The following SAMD13 variants were observed in gnomAD, a reference collection of about 807,000 sequenced individuals.
SAMD13 encodes the protein sterile alpha motif domain-containing protein 13.
Under a neutral mutation model 12.4 loss-of-function variants are expected in SAMD13, and 9 were observed. That is an observed-to-expected ratio of 0.72 (90% confidence interval 0.44 to 1.26). The LOEUF is 1.26. Ranked by LOEUF, SAMD13 falls within the 50% of genes most tolerant of loss-of-function variation. The pLI is 0.00. For missense variants in SAMD13, 84 were observed against 119.6 expected, an observed-to-expected ratio of 0.70 and a Z score of 1.39; for synonymous variants, 46 against 45.4, an observed-to-expected ratio of 1.01 and a Z score of -0.05.
intron 3 of SAMD13, among the ~76,000 whole-genome samples, chr1:84,326,124 A>G (rs941115332): frequency 5.9e-5 from 9 of 152,122 alleles, no homozygotes; most frequent in African/African-American, 1.7e-4. Context: ...AGAGACATAC[A>G]CCACCTCCTA....
At chr1:84,303,340 G>A in intron 2 of SAMD13, 53 bp downstream of exon 2, 1 of 1,455,506 alleles carries the variant, frequency 6.9e-7, no homozygotes, top group South Asian at 1.2e-5. Flanking sequence ...GAGGGACTTA[G>A]TTTCTATTTT....
At position 84,310,550 on chromosome 1, in the gene SAMD13, C is replaced by T. The variant is rs77893208; in HGVS notation, c.53+7263C>T. ...CTGCATTTGTATTTCCTAAAATCTA[C>T]AGTTCAAAAGGTAGGATCACATACC... On this transcript the variant is annotated intron_variant, in intron 2 of 3. Transcript: ENST00000394834. Among the ~76,000 whole-genome samples, 209 of 152,264 alleles carry T rather than the reference C, an allele frequency of 1.4e-3. 4 individuals are homozygous for T. The East Asian group carries it at 0.036, about 26-fold the overall frequency.
intron 3 of SAMD13, among the ~76,000 whole-genome samples, chr1:84,328,572 G>T (rs1030936691): frequency 2.6e-5 from 4 of 152,172 alleles, no homozygotes; most frequent in Non-Finnish European, 5.9e-5. Flanking sequence ...CCAGGCTTAG[G>T]ATGGTAAGAT....
upstream of SAMD13, among the ~76,000 whole-genome samples, chr1:84,299,870 A>G (rs1227046878): frequency 6.6e-6 from 1 of 152,104 alleles, no homozygotes; most frequent in African/African-American, 2.4e-5. Context: ...ACAGCAGGCC[A>G]GATGGGAGGG....
rs1222844572 is a variant in SAMD13, at chr1:84,308,763, A to G, written c.53+5476A>G. Among the ~76,000 whole-genome samples the G allele has an allele frequency of 3.3e-5, 5 of 152,284 alleles. No homozygotes were observed. The South Asian group carries it at 8.3e-4, about 25-fold the overall frequency. ...TACGGGATTTTTGTACTATTCTTGCAACTTTTCTGTAAATCTGAAAATTTT... is the reference window on the plus strand; with the variant it reads ...TACGGGATTTTTGTACTATTCTTGCGACTTTTCTGTAAATCTGAAAATTTT... On this transcript the variant is annotated intron_variant, in intron 2 of 3. Transcript: ENST00000394834.
intron 2 of SAMD13, among the ~76,000 whole-genome samples, chr1:84,314,641 G>A (rs1678789866): frequency 6.6e-6 from 1 of 152,062 alleles, no homozygotes; most frequent in African/African-American, 2.4e-5. Flanking sequence ...GATGGTTCCT[G>A]GAATGCTCTT....
At chr1:84,336,909 A>T (rs1679308561) in intron 3 of SAMD13, among the ~76,000 whole-genome samples, 1 of 152,026 alleles carries the variant, frequency 6.6e-6, no homozygotes, top group African/African-American at 2.4e-5. Flanking sequence ...AATGGGAGAA[A>T]TTGGCCAAAA....
intron 2 of SAMD13, among the ~76,000 whole-genome samples, chr1:84,315,792 G>C (rs540013810): frequency 6.6e-6 from 1 of 152,132 alleles, no homozygotes; most frequent in African/African-American, 2.4e-5. Context: ...GGAATCTACA[G>C]TTCCATAGCA....
rs117564101 is a variant in SAMD13, at chr1:84,332,263, C to T, written c.165+6515C>T. The stretch of plus-strand genomic sequence containing the variant: ...GGGAATATACCCAGTAATGGGATTG[C>T]CAGGTTGAATGGTAGTTCTGTATTA... On this transcript the variant is annotated intron_variant, in intron 3 of 3. Coordinates refer to ENST00000394834, the MANE Select transcript of SAMD13 (RefSeq NM_001134663.2). Among the ~76,000 whole-genome samples the T allele has an allele frequency of 1.4e-3, 218 of 152,280 alleles. 1 individual carries two copies. Among genetic ancestry groups the T allele is most frequent in the Admixed American group, 7.6e-3 (116 of 15,290 alleles).
upstream of SAMD13, chr1:84,301,557 G>A (rs72942038): frequency 5.3e-3 from 5,159 of 966,158 alleles, 196 homozygotes; most frequent in African/African-American, 0.084. Context: ...AAGGTAGTTA[G>A]CAAAAGTGAA....
chr1:84,311,866 C>A (rs1201673035), intron 2 of SAMD13, among the ~76,000 whole-genome samples: 8 of 152,248 alleles, frequency 5.3e-5, no homozygotes, highest in African/African-American at 1.9e-4. Flanking sequence ...ATAGACATTT[C>A]TTTATGAATT....
At chr1:84,328,068 C>T (rs906988026) in intron 3 of SAMD13, among the ~76,000 whole-genome samples, 2 of 152,138 alleles carry the variant, frequency 1.3e-5, no homozygotes, top group Admixed American at 6.5e-5. Flanking sequence ...GGCCAGATTC[C>T]CAGCTGACCA....
intron 3 of SAMD13, among the ~76,000 whole-genome samples, chr1:84,346,698 G>C (rs1320073762): frequency 1.3e-5 from 2 of 152,228 alleles, no homozygotes; most frequent in East Asian, 3.8e-4. Flanking sequence ...ACAGCATGCT[G>C]TTGGTAGAAT....
chr1:84,318,097 T>C (rs1374144414), intron 2 of SAMD13, among the ~76,000 whole-genome samples: 1 of 152,114 alleles, frequency 6.6e-6, no homozygotes, highest in Non-Finnish European at 1.5e-5. Context: ...GCTAAAGGTT[T>C]GTCAGTTTTG....
intron 2 of SAMD13, among the ~76,000 whole-genome samples, chr1:84,310,026 A>G (rs557416621): frequency 3.3e-5 from 5 of 152,302 alleles, no homozygotes; most frequent in East Asian, 3.9e-4. Context: ...TAAATTAACA[A>G]TTCAATTTCT....
chr1:84,325,770 C>T (rs377377569), intron 3 of SAMD13, 22 bp downstream of exon 3: 10 of 1,423,180 alleles, frequency 7.0e-6, no homozygotes, highest in African/African-American at 4.2e-5. Context: ...TAGAGAAACA[C>T]GTGATGAACA....
upstream of SAMD13, among the ~76,000 whole-genome samples, chr1:84,298,824 G>A (rs532731781): frequency 2.6e-5 from 4 of 152,190 alleles, no homozygotes; most frequent in East Asian, 7.8e-4. Flanking sequence ...AGTGCTCGGG[G>A]AGCGGGACGG....
intron 3 of SAMD13, among the ~76,000 whole-genome samples, chr1:84,331,513 G>A (rs1490808302): frequency 6.6e-6 from 1 of 151,982 alleles, no homozygotes; most frequent in Non-Finnish European, 1.5e-5. Context: ...AATATTTGAG[G>A]TGCTTTGATG....
chr1:84,301,624 T>C (rs939097055), upstream of SAMD13: 2 of 985,306 alleles, frequency 2.0e-6, no homozygotes, highest in African/African-American at 3.5e-5. Flanking sequence ...TTGGTGCAGC[T>C]TGTGTGTGAT....
Sources: gnomAD v4.1 joint callset for allele counts (sites outside exome capture counted in the v4.1 genomes callset) on GRCh38, gnomAD v4.1.1 for gene constraint, MANE v1.5 for transcripts, NCBI Gene and HGNC (gene_info 2026-07-23, HGNC 2026-07-21) for gene names.